The following GOLT1A variants were observed in gnomAD, a reference collection of about 807,000 sequenced individuals.
The protein encoded by GOLT1A is golgi transport 1A, also known as vesicle transport protein GOT1A.
In GOLT1A, 10 loss-of-function variants were observed where a neutral mutation model predicts 16.1. The ratio of observed to expected loss-of-function variants is 0.62; its 90% confidence interval spans 0.38 to 1.05. GOLT1A has a LOEUF of 1.05. Among genes scored for constraint, GOLT1A ranks in the 50% least tolerant of loss-of-function variants. The pLI, the probability that GOLT1A is intolerant of heterozygous loss-of-function variation, is 0.01. For synonymous variants in GOLT1A, 60 were observed against 67.9 expected (o/e 0.88, Z 0.57); for missense variants, 137 against 165.7 (o/e 0.83, Z 0.95).
intron 1 of GOLT1A, among the ~76,000 whole-genome samples, chr1:204,212,573 G>T (rs1330199879): frequency 6.7e-6 from 1 of 149,906 alleles, no homozygotes; most frequent in African/African-American, 2.5e-5. Flanking sequence ...GGAGGTGGAG[G>T]TTGCAGTGAG....
At chr1:204,201,540 TA>T in intron 3 of GOLT1A, 92 bp downstream of exon 3, 1 of 1,310,154 alleles carries the variant, frequency 7.6e-7, no homozygotes, top group Non-Finnish European at 1.1e-6. Context: ...TCTTGCAGGA[TA>T]AAGTCCCAGC....
At chr1:204,199,095 G>T in intron 4 of GOLT1A, 100 bp downstream of exon 4, 1 of 1,025,166 alleles carries the variant, frequency 9.8e-7, no homozygotes, top group Non-Finnish European at 1.5e-6. Context: ...ACAGGGGAGA[G>T]GCCACTGCCC....
In GOLT1A at chr1:204,199,365, C is replaced by T. The variant is rs1269197695; in HGVS notation, c.297-107G>A. 2 of 840,676 alleles carry T rather than the reference C, an allele frequency of 2.4e-6. 1 individual carries two copies. Among genetic ancestry groups the T allele is most frequent in the Non-Finnish European group, 4.0e-6 (2 of 500,528 alleles). 52.1% of individuals were successfully genotyped at this position (840,676 alleles called of 1,614,324 possible). A position where few individuals can be genotyped will look rare whatever the true frequency, so the allele number is the denominator to read the frequency against. On this transcript the variant is annotated intron_variant, in intron 3 of 4. Coordinates refer to ENST00000308302, the MANE Select transcript of GOLT1A (RefSeq NM_198447.2). ...AGGTTCAAGCTCTGGCTTCCACACA[C>T]CAGGGACAGGCTTGATTCTGCACTC... is the stretch of plus-strand genomic sequence containing the variant.
intron 1 of GOLT1A, among the ~76,000 whole-genome samples, chr1:204,209,927 G>A (rs1331617297): frequency 3.9e-5 from 6 of 152,062 alleles, no homozygotes; most frequent in Non-Finnish European, 5.9e-5. Context: ...GTGAGGTGGC[G>A]GGCACTTGTA....
At position 204,198,941 on chromosome 1, in the gene GOLT1A, A is replaced by G. The variant is rs998469650; in HGVS notation, c.360+254T>C. 9.3e-6 allele frequency: 5 copies of G among 537,990 alleles called. No homozygotes were observed. In the African/African-American group the frequency reaches 9.5e-5, roughly 10 times the overall value. 33.3% of individuals were successfully genotyped at this position (537,990 alleles called of 1,614,324 possible). On this transcript the variant is annotated intron_variant, in intron 4 of 4. Transcript: ENST00000308302. ...TTTCTTTGGCTGTAAACAGGAAGCT[A>G]TTCATAGCTACCTGCCTCTACAGCC...
At chr1:204,206,639 C>T (rs1571676182) in intron 1 of GOLT1A, among the ~76,000 whole-genome samples, 1 of 152,252 alleles carries the variant, frequency 6.6e-6, no homozygotes, top group African/African-American at 2.4e-5. Context: ...TCATTGATTT[C>T]AGCTCTGACT....
chr1:204,212,514 G>A (rs1051568889), intron 1 of GOLT1A, among the ~76,000 whole-genome samples: 7 of 151,732 alleles, frequency 4.6e-5, no homozygotes, highest in African/African-American at 1.2e-4. Flanking sequence ...GTGGGTGCCC[G>A]TAACCCCAGC....
chr1:204,207,821 GT>G (rs1014294251), intron 1 of GOLT1A, among the ~76,000 whole-genome samples: 1 of 152,042 alleles, frequency 6.6e-6, no homozygotes, highest in Non-Finnish European at 1.5e-5. Flanking sequence ...CTCTGGTGTG[GT>G]TTTTAAAACT....
At position 204,202,895 on chromosome 1, in the gene GOLT1A, C is replaced by G. The variant is rs375187882; in HGVS notation, c.117+1G>C. The G allele has an allele frequency of 6.2e-7, 1 of 1,612,632 alleles. No individual in the cohort carries two copies. Among genetic ancestry groups the G allele is most frequent in the East Asian group, 2.2e-5 (1 of 44,872 alleles). ...TGGGGACACAGGGCTGGGAGACTCACGTTTCCAAAGGCCAGGAGCACGGAA... is the reference window on the plus strand; with the variant it reads ...TGGGGACACAGGGCTGGGAGACTCAGGTTTCCAAAGGCCAGGAGCACGGAA... On this transcript the variant is annotated splice_donor_variant, in intron 2 of 4. Coordinates refer to ENST00000308302, the MANE Select transcript of GOLT1A (RefSeq NM_198447.2). LOFTEE classifies it high-confidence loss of function.
intron 1 of GOLT1A, among the ~76,000 whole-genome samples, chr1:204,207,234 G>A (rs1489793251): frequency 1.3e-5 from 2 of 152,164 alleles, no homozygotes; most frequent in Non-Finnish European, 1.5e-5. Flanking sequence ...CACGGTCCCC[G>A]TGATCCAGAC....
At chr1:204,200,713 G>A (rs1459137867) in intron 3 of GOLT1A, among the ~76,000 whole-genome samples, 1 of 152,120 alleles carries the variant, frequency 6.6e-6, no homozygotes, top group East Asian at 1.9e-4. Flanking sequence ...AGTCTCTGAG[G>A]CCTAGGCCAT....
At chr1:204,208,495 TATATATAA>T (rs1659088235) in intron 1 of GOLT1A, among the ~76,000 whole-genome samples, 5 of 109,108 alleles carry the variant, frequency 4.6e-5, no homozygotes, top group Admixed American at 3.6e-4. Context: ...TATATATATA[TATATATAA>T]AAAATGAACT....
chr1:204,212,258 G>A (rs1443380785), intron 1 of GOLT1A, among the ~76,000 whole-genome samples: 1 of 152,092 alleles, frequency 6.6e-6, no homozygotes, highest in Non-Finnish European at 1.5e-5. Flanking sequence ...AATCCTCAAC[G>A]CTTTCCTCAA....
At chr1:204,209,192 C>T (rs1659102427) in intron 1 of GOLT1A, among the ~76,000 whole-genome samples, 1 of 152,230 alleles carries the variant, frequency 6.6e-6, no homozygotes, top group African/African-American at 2.4e-5. Context: ...GCATCTTAGG[C>T]AGAAATAGCA....
In GOLT1A at chr1:204,198,398, C is replaced by T; in HGVS notation, c.*60G>A. ...GTGCAGGGGACTGAGGGGGTGGTTC[C>T]CATTCTCCCTCTAGCCCCCTCAACC... On this transcript the variant is annotated 3_prime_UTR_variant, in exon 5 of 5. Coordinates refer to ENST00000308302, the MANE Select transcript of GOLT1A (RefSeq NM_198447.2). The T allele has an allele frequency of 6.7e-7, 1 of 1,487,764 alleles. No individual in the cohort carries two copies. Among genetic ancestry groups the T allele is most frequent in the Non-Finnish European group, 9.4e-7 (1 of 1,066,566 alleles). 92.2% of individuals were successfully genotyped at this position (1,487,764 alleles called of 1,614,324 possible).
intron 1 of GOLT1A, among the ~76,000 whole-genome samples, chr1:204,207,809 T>G (rs1659068320): frequency 6.6e-6 from 1 of 152,128 alleles, no homozygotes; most frequent in Non-Finnish European, 1.5e-5. Flanking sequence ...CACCCCTGAA[T>G]GCTCTGGTGT....
chr1:204,209,875 T>A (rs550761542), intron 1 of GOLT1A, among the ~76,000 whole-genome samples: 14 of 152,080 alleles, frequency 9.2e-5, no homozygotes, highest in Non-Finnish European at 1.9e-4. Flanking sequence ...CTGGCCAACA[T>A]GATGAAACCC....
chr1:204,198,270 C>T lies in GOLT1A; in HGVS notation c.*188G>A, dbSNP rs72749749. The T allele has an allele frequency of 0.093, 54,200 of 581,012 alleles. 2,778 individuals carry two copies. The highest frequency in any genetic ancestry group is 0.14 in the African/African-American group (7,106 of 52,608). The allele number at this position is 581,012 out of a possible 1,614,324, so 36.0% of individuals were successfully genotyped here. A position where few individuals can be genotyped will look rare whatever the true frequency, so the allele number is the denominator to read the frequency against. On this transcript the variant is annotated 3_prime_UTR_variant, in exon 5 of 5. Transcript: ENST00000308302. Reference sequence around the variant, plus strand: ...CTCCTTGGGGTCTGCATCTCTGCTTCCTGGCAGCCTCTTGAGTCGACTTGG... The same window carrying T: ...CTCCTTGGGGTCTGCATCTCTGCTTTCTGGCAGCCTCTTGAGTCGACTTGG...
At chr1:204,201,933 C>A in intron 2 of GOLT1A, 122 bp from the exon 3 acceptor site, 1 of 823,734 alleles carries the variant, frequency 1.2e-6, no homozygotes, top group Admixed American at 2.6e-5. Context: ...ACCATCTGAG[C>A]GAGGGCCATC....
Sources: allele counts gnomAD v4.1 joint callset (sites outside exome capture counted in the v4.1 genomes callset), GRCh38; gene constraint gnomAD v4.1.1; transcripts MANE v1.5; gene names NCBI Gene and HGNC (gene_info 2026-07-23, HGNC 2026-07-21).